The following FAF1 variants were observed in gnomAD, a reference collection of about 807,000 sequenced individuals.
FAF1 encodes the protein Fas associated factor 1.
In FAF1, 25 loss-of-function variants were observed where a neutral mutation model predicts 92.5. The ratio of observed to expected loss-of-function variants is 0.27; its 90% CI spans 0.20 to 0.38. The LOEUF is 0.38. Among genes scored for constraint, FAF1 ranks in the 10% least tolerant of loss-of-function variants. FAF1 has a pLI of 1.00. For synonymous variants in FAF1, 234 were observed against 273.2 expected (o/e 0.86, Z 1.42); for missense variants, 636 against 793.3 (o/e 0.80, Z 2.38).
At chr1:50,486,277 C>G (rs567854599) in intron 17 of FAF1, among the ~76,000 whole-genome samples, 1 of 152,284 alleles carries the variant, frequency 6.6e-6, no homozygotes, top group African/African-American at 2.4e-5. Flanking sequence ...AGCTTAGTAT[C>G]TATTTTAATT....
chr1:50,682,378 C>T (rs149787062), intron 7 of FAF1, among the ~76,000 whole-genome samples: 439 of 152,166 alleles, frequency 2.9e-3, no homozygotes, highest in African/African-American at 9.7e-3. Context: ...TAGCACGCAC[C>T]TGCAGTCATA....
At chr1:50,808,553 G>C (rs1418025214) in intron 2 of FAF1, among the ~76,000 whole-genome samples, 2 of 151,632 alleles carry the variant, frequency 1.3e-5, no homozygotes, top group Non-Finnish European at 2.9e-5. Context: ...ACACCCACAG[G>C]CTCAAAGTAA....
At chr1:50,715,367 G>A (rs983226002) in intron 6 of FAF1, among the ~76,000 whole-genome samples, 2 of 152,194 alleles carry the variant, frequency 1.3e-5, no homozygotes, top group African/African-American at 2.4e-5. Flanking sequence ...CTTAGGAGGC[G>A]GAGACAGGAG....
intron 17 of FAF1, among the ~76,000 whole-genome samples, chr1:50,478,426 G>A (rs899857561): frequency 6.6e-6 from 1 of 152,102 alleles, no homozygotes; most frequent in African/African-American, 2.4e-5. Flanking sequence ...GTCTCCCAAA[G>A]TGCTGGGATT....
intron 1 of FAF1, among the ~76,000 whole-genome samples, chr1:50,953,255 C>G (rs1301349465): frequency 6.6e-6 from 1 of 152,014 alleles, no homozygotes; most frequent in Admixed American, 6.5e-5. Context: ...ACAAACACTG[C>G]GGAAGGCCCC....
chr1:50,637,273 T>TAA (rs1172030649), intron 8 of FAF1, among the ~76,000 whole-genome samples: 1,046 of 97,208 alleles, frequency 0.011, 12 homozygotes, highest in African/African-American at 0.028. Context: ...CCATTTCTAC[T>TAA]AAAAAAAAAA....
At chr1:50,627,017 A>G (rs775066547) in intron 8 of FAF1, among the ~76,000 whole-genome samples, 9 of 152,170 alleles carry the variant, frequency 5.9e-5, no homozygotes, top group Non-Finnish European at 1.2e-4. Flanking sequence ...ATACTTAAGA[A>G]GAAGATCAGG....
At chr1:50,870,621 T>C (rs569472474) in intron 1 of FAF1, among the ~76,000 whole-genome samples, 74 of 152,352 alleles carry the variant, frequency 4.9e-4, no homozygotes, top group African/African-American at 1.7e-3. Context: ...ATATATATTA[T>C]GGTAATCTAT....
At chr1:50,857,449 G>A (rs994719254) in intron 2 of FAF1, among the ~76,000 whole-genome samples, 2 of 151,404 alleles carry the variant, frequency 1.3e-5, no homozygotes, top group African/African-American at 4.8e-5. Context: ...GCTGTGCCTC[G>A]CCTTTTGATT....
chr1:50,510,767 T>C (rs1405911848), intron 15 of FAF1, among the ~76,000 whole-genome samples: 1 of 152,028 alleles, frequency 6.6e-6, no homozygotes, highest in East Asian at 1.9e-4. Context: ...AAGGTTTCTC[T>C]TTTTTTTAAG....
rs1253661849 is a variant in FAF1 at position 50,931,892 on chromosome 1, AATAATAATAAT to A, written c.45+27864_45+27874del. ...CTGTCTCAAAAATAAATAAATAAAT[AATAATAATAAT>A]AATAATAATAATAATAATAATAATA... On this transcript the variant is annotated intron_variant, in intron 1 of 18. Transcript: ENST00000396153. Among the ~76,000 whole-genome samples, 106 of 113,556 alleles carry A rather than the reference AATAATAATAAT, an allele frequency of 9.3e-4. 2 individuals carry two copies. Among genetic ancestry groups the A allele is most frequent in the South Asian group, 6.6e-3 (26 of 3,928 alleles). The allele number at this position is 113,556 out of a possible 152,430, so 74.5% of individuals were successfully genotyped here.
At chr1:50,833,272 G>A (rs1181264496) in intron 2 of FAF1, among the ~76,000 whole-genome samples, 1 of 151,946 alleles carries the variant, frequency 6.6e-6, no homozygotes, top group Non-Finnish European at 1.5e-5. Context: ...CCCTCCTGAG[G>A]TCTGATATTT....
intron 17 of FAF1, among the ~76,000 whole-genome samples, chr1:50,478,943 C>T (rs1192502704): frequency 6.6e-6 from 1 of 152,156 alleles, no homozygotes; most frequent in African/African-American, 2.4e-5. Context: ...GTTTCAAAGT[C>T]AACATATCTG....
intron 2 of FAF1, among the ~76,000 whole-genome samples, chr1:50,805,569 A>G (rs1662161933): frequency 6.6e-6 from 1 of 152,198 alleles, no homozygotes; most frequent in South Asian, 2.1e-4. Flanking sequence ...TCATTGTAAC[A>G]TCACATATGA....
At chr1:50,928,000 T>C (rs2124740663) in intron 1 of FAF1, among the ~76,000 whole-genome samples, 1 of 152,356 alleles carries the variant, frequency 6.6e-6, no homozygotes, top group African/African-American at 2.4e-5. Flanking sequence ...TTGCTGAGTA[T>C]TATGCCCTCA....
chr1:50,741,749 C>A (rs1458183817), intron 5 of FAF1, among the ~76,000 whole-genome samples: 2 of 152,068 alleles, frequency 1.3e-5, no homozygotes, highest in Non-Finnish European at 2.9e-5. Context: ...AGACTGATGG[C>A]CAGTTTTGGA....
At chr1:50,678,866 C>T (rs1387290019) in intron 7 of FAF1, among the ~76,000 whole-genome samples, 3 of 147,178 alleles carry the variant, frequency 2.0e-5, no homozygotes, top group Non-Finnish European at 4.5e-5. Context: ...GCAGGCGGAT[C>T]ACGAGGTCAG....
chr1:50,760,525 T>C (rs2124526855), intron 4 of FAF1, among the ~76,000 whole-genome samples: 1 of 152,248 alleles, frequency 6.6e-6, no homozygotes, highest in East Asian at 1.9e-4. Flanking sequence ...AACTCAGGAT[T>C]AAGAAACTCA....
chr1:50,451,409 C>G (rs1646292038), intron 18 of FAF1, among the ~76,000 whole-genome samples: 1 of 152,106 alleles, frequency 6.6e-6, no homozygotes, highest in Admixed American at 6.5e-5. Flanking sequence ...GGTATATTAC[C>G]TCCACTTTAA....
Sources: allele counts gnomAD v4.1 joint callset (sites outside exome capture counted in the v4.1 genomes callset), GRCh38; gene constraint gnomAD v4.1.1; transcripts MANE v1.5; gene names NCBI Gene and HGNC (gene_info 2026-07-23, HGNC 2026-07-21).